PRIMA1: variants seen among roughly 807,000 people sequenced by gnomAD.
PRIMA1 encodes proline-rich membrane anchor 1.
In PRIMA1, 7 loss-of-function variants were observed where a neutral mutation model predicts 17.5. That is an observed-to-expected ratio of 0.40 (90% confidence interval 0.23 to 0.75). The LOEUF is 0.75. PRIMA1 is among the 30% of genes least tolerant of loss of function. The pLI is 0.37. For synonymous variants in PRIMA1, 97 were observed against 77.9 expected (o/e 1.25, Z -1.29); for missense variants, 200 against 201.8 (o/e 0.99, Z 0.05).
At chr14:93,775,469 TG>T (rs1204355440) in intron 3 of PRIMA1, among the ~76,000 whole-genome samples, 1 of 152,132 alleles carries the variant, frequency 6.6e-6, no homozygotes, top group Non-Finnish European at 1.5e-5. Flanking sequence ...AGCAGGCACT[TG>T]TTTTTTTTGT....
chr14:93,750,042 T>C (rs1341619070), intron 3 of PRIMA1, among the ~76,000 whole-genome samples: 4 of 151,890 alleles, frequency 2.6e-5, no homozygotes. Context: ...AGTAGCCAGG[T>C]ATGGTGGCAC....
At chr14:93,759,321 T>A (rs1075854) in intron 3 of PRIMA1, among the ~76,000 whole-genome samples, 21,155 of 152,080 alleles carry the variant, frequency 0.14, 2,403 homozygotes, top group African/African-American at 0.31. Context: ...GCTTACTCCC[T>A]AGTCACTGTG....
chr14:93,771,174 G>C (rs1232747717), intron 3 of PRIMA1, among the ~76,000 whole-genome samples: 1 of 152,224 alleles, frequency 6.6e-6, no homozygotes, highest in Non-Finnish European at 1.5e-5. Flanking sequence ...GTGTGTGCAT[G>C]TGGATGCAGG....
intron 3 of PRIMA1, among the ~76,000 whole-genome samples, chr14:93,767,736 T>C (rs1884933671): frequency 6.6e-6 from 1 of 152,034 alleles, no homozygotes; most frequent in South Asian, 2.1e-4. Flanking sequence ...TCATGCTAGG[T>C]GGCAGGCTGA....
chr14:93,733,467 C>T (rs1470638448), intron 4 of PRIMA1, among the ~76,000 whole-genome samples: 1 of 152,180 alleles, frequency 6.6e-6, no homozygotes, highest in East Asian at 1.9e-4. Flanking sequence ...TGCAACTCAG[C>T]CCTCGGTGCC....
At chr14:93,751,125 A>T (rs910420172) in intron 3 of PRIMA1, among the ~76,000 whole-genome samples, 2 of 152,146 alleles carry the variant, frequency 1.3e-5, no homozygotes, top group Non-Finnish European at 2.9e-5. Flanking sequence ...GAGGCAGAAA[A>T]GCGTCACCTG....
intron 3 of PRIMA1, among the ~76,000 whole-genome samples, chr14:93,770,728 G>A (rs12431935): frequency 0.26 from 39,329 of 151,862 alleles, 5,449 homozygotes; most frequent in African/African-American, 0.34. Context: ...CCCCTCCCGC[G>A]CACACACAGA....
In PRIMA1 at chr14:93,755,784, C is replaced by T. The variant is rs1269390440; in HGVS notation, c.230-18414G>A. On this transcript the variant is annotated intron_variant, in intron 3 of 4. Transcript: ENST00000393140. The stretch of plus-strand genomic sequence containing the variant: ...TGTGGCCTTGGACCTTGGCCCAAAT[C>T]CACTGTGGAGACAATTCAGCATCCC... Among the ~76,000 whole-genome samples the T allele has an allele frequency of 2.6e-5, 4 of 152,138 alleles. No homozygotes were observed. In the East Asian group the frequency reaches 7.7e-4, roughly 29 times the overall value.
chr14:93,758,156 G>A (rs1164492589), intron 3 of PRIMA1, among the ~76,000 whole-genome samples: 1 of 152,220 alleles, frequency 6.6e-6, no homozygotes, highest in Non-Finnish European at 1.5e-5. Flanking sequence ...TCTCAGCTCA[G>A]CTTACTCGGC....
chr14:93,756,659 C>G (rs2076292574), intron 3 of PRIMA1, among the ~76,000 whole-genome samples: 1 of 152,140 alleles, frequency 6.6e-6, no homozygotes, highest in African/African-American at 2.4e-5. Flanking sequence ...CGTCCCCCAG[C>G]CCCCTGACTT....
intron 3 of PRIMA1, among the ~76,000 whole-genome samples, chr14:93,776,486 T>A (rs2141191528): frequency 6.6e-6 from 1 of 152,154 alleles, no homozygotes; most frequent in East Asian, 1.9e-4. Flanking sequence ...TGGTCTGGGG[T>A]CTGAATGATC....
intron 4 of PRIMA1, among the ~76,000 whole-genome samples, chr14:93,733,868 C>G (rs889339384): frequency 6.6e-6 from 1 of 152,328 alleles, no homozygotes; most frequent in East Asian, 1.9e-4. Flanking sequence ...AGGATGCTAT[C>G]TCTTACAGCC....
intron 3 of PRIMA1, among the ~76,000 whole-genome samples, chr14:93,763,872 G>T (rs1884807150): frequency 6.6e-6 from 1 of 152,036 alleles, no homozygotes; most frequent in East Asian, 1.9e-4. Context: ...CATCCTTGGG[G>T]CTAGCCCGGG....
At chr14:93,781,204 T>C (rs1885368232) in intron 2 of PRIMA1, among the ~76,000 whole-genome samples, 1 of 152,238 alleles carries the variant, frequency 6.6e-6, no homozygotes, top group Non-Finnish European at 1.5e-5. Context: ...GGCAATCTTC[T>C]CTCCCACTGG....
chr14:93,786,228 A>G (rs1885520298), intron 2 of PRIMA1, among the ~76,000 whole-genome samples: 1 of 152,276 alleles, frequency 6.6e-6, no homozygotes, highest in South Asian at 2.1e-4. Context: ...TAAAGTGTTT[A>G]GAAGTGACAA....
intron 4 of PRIMA1, among the ~76,000 whole-genome samples, chr14:93,722,532 A>G (rs2076046342): frequency 6.6e-6 from 1 of 150,734 alleles, no homozygotes; most frequent in Non-Finnish European, 1.5e-5. Flanking sequence ...AATGGTGGTG[A>G]TGGTGATACT....
chr14:93,738,948 C>T (rs2076167866), intron 3 of PRIMA1, among the ~76,000 whole-genome samples: 1 of 152,110 alleles, frequency 6.6e-6, no homozygotes, highest in Non-Finnish European at 1.5e-5. Context: ...TTTAGCATAG[C>T]GTTTCTGAGA....
At chr14:93,769,835 C>G (rs564564656) in intron 3 of PRIMA1, among the ~76,000 whole-genome samples, 1 of 152,142 alleles carries the variant, frequency 6.6e-6, no homozygotes, top group Non-Finnish European at 1.5e-5. Flanking sequence ...TGTCCCAGAG[C>G]CTGGGTCCTT....
chr14:93,740,414 A>T (rs2076177841), intron 3 of PRIMA1, among the ~76,000 whole-genome samples: 1 of 152,220 alleles, frequency 6.6e-6, no homozygotes, highest in Admixed American at 6.5e-5. Flanking sequence ...GGGAAGTCAG[A>T]AGTCACTGCT....
Sources: gnomAD v4.1 joint callset for allele counts (sites outside exome capture counted in the v4.1 genomes callset) on GRCh38, gnomAD v4.1.1 for gene constraint, MANE v1.5 for transcripts, NCBI Gene and HGNC (gene_info 2026-07-23, HGNC 2026-07-21) for gene names.